Variants in ZNF92 observed in about 807,000 individuals in gnomAD.
The protein encoded by ZNF92 is zinc finger protein 92.
ZNF92 carries 11 observed loss-of-function variants against 12.4 expected under a neutral mutation model. That is an observed-to-expected ratio of 0.89 (90% CI 0.56 to 1.47). The LOEUF (loss-of-function observed/expected upper bound fraction) is 1.47, where lower values mean the gene tolerates loss of function less well. Ranked by LOEUF, ZNF92 falls within the 40% of genes most tolerant of loss-of-function variation. The probability of loss-of-function intolerance (pLI) is 0.00; values close to 1 mark genes in which losing one functional copy is unlikely to be tolerated. For missense variants in ZNF92, 622 were observed against 681.0 expected (o/e 0.91, Z 0.96); for synonymous variants, 206 against 228.6 (o/e 0.90, Z 0.89).
intron 1 of ZNF92, among the ~76,000 whole-genome samples, chr7:65,381,017 T>A (rs1047365786): frequency 6.6e-6 from 1 of 152,036 alleles, no homozygotes; most frequent in Non-Finnish European, 1.5e-5. Context: ...TTCTCTTTTT[T>A]TTCTTTTCTT....
Position 65,387,902 on chromosome 7 carries a change from G to T in ZNF92, c.4G>T (p.Gly2Ter). The T allele has an allele frequency of 6.3e-7, 1 of 1,599,368 alleles. No homozygotes were observed. Among genetic ancestry groups the T allele is most frequent in the Non-Finnish European group, 8.5e-7 (1 of 1,173,620 alleles). The change falls in exon 2 of 4, where the codon GGA (glycine) becomes TGA (stop). Residue 2 changes from glycine (G) to a stop codon, truncating the protein, a stop_gained and splice_region_variant. Transcript: ENST00000328747. LOFTEE classifies it high-confidence loss of function. ...TTGTGTGTGTGTGTGTGTTTTTCAG[G>T]GACCACTGACATTTAGGGATGTGAA... M[G>*]PLTFRDVKIE... is the part of the protein sequence containing the mutation.
rs1793156889 is a variant in ZNF92, at chr7:65,373,904, C to T, written c.-94C>T. 6.4e-7 allele frequency: 1 copy of T among 1,559,674 alleles called. No homozygotes were observed. Among genetic ancestry groups the T allele is most frequent in the Non-Finnish European group, 8.8e-7 (1 of 1,130,684 alleles). ...ACGTCTAGTCTTCACTGCTCTGCGT[C>T]CTGTGCTGATAAAGGCTCGCCGCTG... On this transcript the variant is annotated 5_prime_UTR_variant, in exon 1 of 4. Coordinates refer to ENST00000328747, the MANE Select transcript of ZNF92 (RefSeq NM_152626.4).
rs1793902377 is a variant in ZNF92 at position 65,398,430 on chromosome 7, T to C, written c.316T>C (p.Tyr106His). ...AGTGATACTGAGAACATATGGAAAA[T>C]ATGGACATGAGAATTTACAGCTAAG... ...QKVILRTYGK[Y>H]GHENLQLRKD... is the part of the protein sequence containing the mutation. Residue 106 changes from tyrosine to histidine, a missense_variant, in exon 4 of 4, where the codon TAT (tyrosine) becomes CAT (histidine). Physicochemically the swap from Tyr to His is moderately conservative, Grantham distance 83 (BLOSUM62 2). Transcript: ENST00000328747. The C allele has an allele frequency of 6.2e-7, 1 of 1,612,532 alleles. No individual in the cohort carries two copies. Among genetic ancestry groups the C allele is most frequent in the Non-Finnish European group, 8.5e-7 (1 of 1,179,526 alleles).
intron 3 of ZNF92, among the ~76,000 whole-genome samples, chr7:65,392,740 T>G (rs890305934): frequency 2.0e-5 from 3 of 151,962 alleles, no homozygotes; most frequent in African/African-American, 7.3e-5. Flanking sequence ...TTCTCCATGT[T>G]GGTCAGGCTG....
rs1793945138 is a variant in ZNF92, at chr7:65,399,332, T to TA, written c.1221dup (p.Gln408ThrfsTer7). 1 of 1,613,442 alleles carries TA rather than the reference T, an allele frequency of 6.2e-7. No individual in the cohort carries two copies. The highest frequency in any genetic ancestry group is 8.5e-7 in the Non-Finnish European group (1 of 1,179,726). ...AATGTGAAGAATGTGGCAAAGCTTT[T>TA]AAACAGTCCTCAACCCTTACTGAAC... On this transcript the variant is annotated frameshift_variant, in exon 4 of 4. Coordinates refer to ENST00000328747, the MANE Select transcript of ZNF92 (RefSeq NM_152626.4). LOFTEE classifies it low-confidence loss of function (END_TRUNC).
At chr7:65,380,393 A>G (rs1376342954) in intron 1 of ZNF92, among the ~76,000 whole-genome samples, 1 of 151,990 alleles carries the variant, frequency 6.6e-6, no homozygotes, top group African/African-American at 2.4e-5. Flanking sequence ...AAGCCCCCCA[A>G]GTAGCTGGGA....
chr7:65,386,427 A>G (rs1266459154), intron 1 of ZNF92, among the ~76,000 whole-genome samples: 1 of 152,082 alleles, frequency 6.6e-6, no homozygotes, highest in Non-Finnish European at 1.5e-5. Flanking sequence ...CTTTGTGACT[A>G]TTGAATATGG....
chr7:65,380,530 C>T (rs957780428), intron 1 of ZNF92, among the ~76,000 whole-genome samples: 4 of 152,134 alleles, frequency 2.6e-5, no homozygotes, highest in African/African-American at 9.7e-5. Context: ...CCTCACCCTG[C>T]CAAAGTGCTG....
At chr7:65,378,623 TC>T (rs1229925314) in intron 1 of ZNF92, among the ~76,000 whole-genome samples, 3 of 151,770 alleles carry the variant, frequency 2.0e-5, no homozygotes, top group Admixed American at 6.6e-5. Context: ...GCGCCTGTAG[TC>T]CCAGCTATTC....
At chr7:65,374,860 C>CAGA (rs1370754749) in intron 1 of ZNF92, among the ~76,000 whole-genome samples, 1 of 151,998 alleles carries the variant, frequency 6.6e-6, no homozygotes, top group Non-Finnish European at 1.5e-5. Flanking sequence ...CTCAAGTCTA[C>CAGA]CCCCCATCCC....
Position 65,399,277 on chromosome 7 carries a change from A to G in ZNF92, c.1163A>G (p.Lys388Arg). 1.2e-6 allele frequency: 2 copies of G among 1,612,732 alleles called. No individual in the cohort carries two copies. The highest frequency in any genetic ancestry group is 4.5e-5 in the East Asian group (2 of 44,794). Residue 388 changes from lysine (K) to arginine (R), a missense_variant, in exon 4 of 4, where the codon AAA becomes AGA. By Grantham distance (26) the Lys-to-Arg change is conservative. Transcript: ENST00000328747. Reference protein sequence around the residue: ...FNQSSTLTKHKRIHTGEKPYK... With the variant: ...FNQSSTLTKHRRIHTGEKPYK... ...CAGTCCTCAACCCTTACTAAACATA[A>G]AAGAATTCATACGGGAGAAAAACCC... is the stretch of plus-strand genomic sequence containing the variant.
chr7:65,396,385 C>G (rs1429978179), intron 3 of ZNF92, among the ~76,000 whole-genome samples: 1 of 151,776 alleles, frequency 6.6e-6, no homozygotes, highest in African/African-American at 2.4e-5. Context: ...TAAATATTAT[C>G]TTTGTAATCA....
chr7:65,379,081 A>T (rs1444220931), intron 1 of ZNF92, among the ~76,000 whole-genome samples: 1 of 151,846 alleles, frequency 6.6e-6, no homozygotes, highest in Non-Finnish European at 1.5e-5. Context: ...TGTTTTGCTG[A>T]GTTCTGTGAG....
At chr7:65,383,217 ACTTACATTTGTG>A (rs2116354392) in intron 1 of ZNF92, among the ~76,000 whole-genome samples, 1 of 152,202 alleles carries the variant, frequency 6.6e-6, no homozygotes, top group African/African-American at 2.4e-5. Flanking sequence ...TGAACTGTCT[ACTTACATTTGTG>A]GTTCCTCAGC....
At position 65,399,540 on chromosome 7, in the gene ZNF92, A is replaced by G; in HGVS notation, c.1426A>G (p.Thr476Ala). The G allele has an allele frequency of 6.2e-7, 1 of 1,613,544 alleles. No individual in the cohort carries two copies. Residue 476 changes from threonine to alanine, a missense_variant, in exon 4 of 4, where the codon ACT becomes GCT. Coordinates refer to ENST00000328747, the MANE Select transcript of ZNF92 (RefSeq NM_152626.4). ...CCTTACTAAACATAAAATAATTCAT[A>G]CTAGAGAAAAACCCTACAAATGTGA... is the stretch of plus-strand genomic sequence containing the variant. Reference protein sequence around the residue: ...STLTKHKIIHTREKPYKCEEC... With the variant: ...STLTKHKIIHAREKPYKCEEC...
intron 3 of ZNF92, among the ~76,000 whole-genome samples, chr7:65,397,482 T>G (rs1015682325): frequency 3.4e-5 from 5 of 147,162 alleles, no homozygotes; most frequent in Admixed American, 2.7e-4. Flanking sequence ...ATTTTCAATT[T>G]CTTTATAACT....
At position 65,373,873 on chromosome 7, in the gene ZNF92, C is replaced by A; in HGVS notation, c.-125C>A. On this transcript the variant is annotated 5_prime_UTR_variant, in exon 1 of 4. Coordinates refer to ENST00000328747, the MANE Select transcript of ZNF92 (RefSeq NM_152626.4). ...GGCCTTTGTCTCTCGCTGCAGCCGGCGCTCCACGTCTAGTCTTCACTGCTC... is the reference window on the plus strand; with the variant it reads ...GGCCTTTGTCTCTCGCTGCAGCCGGAGCTCCACGTCTAGTCTTCACTGCTC... The A allele has an allele frequency of 7.4e-7, 1 of 1,344,484 alleles. No individual in the cohort carries two copies. Among genetic ancestry groups the A allele is most frequent in the South Asian group, 1.2e-5 (1 of 84,924 alleles). 83.3% of individuals were successfully genotyped at this position (1,344,484 alleles called of 1,614,324 possible). A position where few individuals can be genotyped will look rare whatever the true frequency, so the allele number is the denominator to read the frequency against.
chr7:65,377,010 G>T (rs974956089), intron 1 of ZNF92, among the ~76,000 whole-genome samples: 6 of 151,948 alleles, frequency 3.9e-5, no homozygotes, highest in African/African-American at 1.5e-4. Context: ...ATTAAACTTG[G>T]TACCTACTAA....
intron 3 of ZNF92, among the ~76,000 whole-genome samples, chr7:65,391,674 T>C (rs1428173960): frequency 2.0e-5 from 3 of 152,152 alleles, no homozygotes; most frequent in African/African-American, 7.2e-5. Flanking sequence ...TATTCTTTGC[T>C]TCTATAGTTG....
Sources: allele counts gnomAD v4.1 joint callset (sites outside exome capture counted in the v4.1 genomes callset), GRCh38; gene constraint gnomAD v4.1.1; transcripts MANE v1.5; gene names NCBI Gene and HGNC (gene_info 2026-07-23, HGNC 2026-07-21).